The following ATF6 variants were observed in gnomAD, a reference collection of about 807,000 sequenced individuals.
The protein encoded by ATF6 is activating transcription factor 6.
ATF6 carries 53 observed loss-of-function variants against 83.6 expected under a neutral mutation model. That is an observed-to-expected ratio of 0.63 (90% CI 0.51 to 0.80). The LOEUF (loss-of-function observed/expected upper bound fraction) is 0.80. Ranked by LOEUF, ATF6 falls within the 30% of genes least tolerant of loss-of-function variation. ATF6 has a pLI of 0.00. For missense variants in ATF6, 744 were observed against 797.9 expected (o/e 0.93, Z 0.81); for synonymous variants, 288 against 285.8 (o/e 1.01, Z -0.08).
chr1:161,869,004 A>G (rs2101845850), intron 14 of ATF6, among the ~76,000 whole-genome samples: 1 of 152,088 alleles, frequency 6.6e-6, no homozygotes, highest in Admixed American at 6.6e-5. Flanking sequence ...GGGTTCTACT[A>G]TTTGTACAGA....
At chr1:161,801,495 A>G (rs6701754) in intron 6 of ATF6, among the ~76,000 whole-genome samples, 4,125 of 150,258 alleles carry the variant, frequency 0.027, 90 homozygotes, top group East Asian at 0.12. Context: ...GGCTATCACT[A>G]TGTTGCCTTG....
intron 15 of ATF6, among the ~76,000 whole-genome samples, chr1:161,953,873 C>T (rs1033569654): frequency 5.9e-5 from 9 of 152,148 alleles, no homozygotes; most frequent in African/African-American, 2.2e-4. Flanking sequence ...GGGAGCCAAA[C>T]TTCATTTCTA....
At chr1:161,915,755 G>C (rs6695760) in intron 15 of ATF6, among the ~76,000 whole-genome samples, 73,224 of 151,744 alleles carry the variant, frequency 0.48, 22,081 homozygotes, top group Middle Eastern at 0.66. Context: ...CTCCCGAGCA[G>C]CTCCTGAACA....
At chr1:161,920,551 C>T (rs1484964031) in intron 15 of ATF6, among the ~76,000 whole-genome samples, 2 of 152,038 alleles carry the variant, frequency 1.3e-5, no homozygotes, top group Non-Finnish European at 2.9e-5. Flanking sequence ...GCCTCGGCCT[C>T]CCAAAGTGCT....
chr1:161,860,800 G>C (rs1686867060), intron 13 of ATF6, among the ~76,000 whole-genome samples: 5 of 152,018 alleles, frequency 3.3e-5, no homozygotes, highest in Admixed American at 3.3e-4. Flanking sequence ...GATCATAGCT[G>C]TTTTACTTAC....
intron 15 of ATF6, among the ~76,000 whole-genome samples, chr1:161,940,734 G>GTT (rs551535128): frequency 6.7e-6 from 1 of 149,960 alleles, no homozygotes; most frequent in Admixed American, 6.6e-5. Context: ...AATTTTTTTT[G>GTT]TTTTTTTTTA....
At chr1:161,868,703 C>G (rs1687063031) in intron 14 of ATF6, among the ~76,000 whole-genome samples, 1 of 151,536 alleles carries the variant, frequency 6.6e-6, no homozygotes, top group East Asian at 1.9e-4. Flanking sequence ...ATCTATTTTA[C>G]TGATCTAAGA....
At chr1:161,780,073 A>G (rs1571122018) in intron 2 of ATF6, among the ~76,000 whole-genome samples, 1 of 152,218 alleles carries the variant, frequency 6.6e-6, no homozygotes, top group African/African-American at 2.4e-5. Flanking sequence ...AGATCCAAAT[A>G]AGAGAAAAAA....
chr1:161,881,375 G>A (rs1687323896), intron 14 of ATF6, among the ~76,000 whole-genome samples: 1 of 152,068 alleles, frequency 6.6e-6, no homozygotes. Flanking sequence ...CCGAACTAAG[G>A]GTCTCAGTTA....
intron 6 of ATF6, among the ~76,000 whole-genome samples, chr1:161,801,359 CTTTTTTTTTT>C (rs1170991022): frequency 8.4e-5 from 8 of 95,288 alleles, no homozygotes; most frequent in Admixed American, 4.5e-4. Flanking sequence ...TATTTGTAGT[CTTTTTTTTTT>C]TTTTTTTTTT....
intron 15 of ATF6, among the ~76,000 whole-genome samples, chr1:161,918,685 A>C (rs1271509600): frequency 6.6e-6 from 1 of 152,208 alleles, no homozygotes; most frequent in African/African-American, 2.4e-5. Context: ...AAGTTGAATA[A>C]AATACATTTT....
intron 9 of ATF6, 83 bp downstream of exon 9, chr1:161,821,244 G>A: frequency 1.1e-6 from 1 of 937,544 alleles, no homozygotes; most frequent in Non-Finnish European, 1.6e-6. Context: ...ATAAACTAGA[G>A]AAAAAATGAT....
chr1:161,953,540 C>T (rs1052244834), intron 15 of ATF6, among the ~76,000 whole-genome samples: 3 of 152,190 alleles, frequency 2.0e-5, no homozygotes, highest in African/African-American at 7.2e-5. Context: ...TGCTATGTCA[C>T]AGCTGAATGT....
chr1:161,847,415 G>T (rs1323512988), intron 10 of ATF6, among the ~76,000 whole-genome samples: 2 of 152,206 alleles, frequency 1.3e-5, no homozygotes, highest in South Asian at 2.1e-4. Flanking sequence ...CCACAATCCT[G>T]CAGGCTTGTC....
chr1:161,837,622 A>ATT (rs569010142), intron 9 of ATF6, among the ~76,000 whole-genome samples: 2,410 of 144,482 alleles, frequency 0.017, 20 homozygotes, highest in Middle Eastern at 0.042. Flanking sequence ...CCTTTCTCCC[A>ATT]TTTTTTTTTT....
At chr1:161,834,810 TGAA>T (rs1450186357) in intron 9 of ATF6, among the ~76,000 whole-genome samples, 4 of 152,022 alleles carry the variant, frequency 2.6e-5, no homozygotes, top group African/African-American at 9.7e-5. Context: ...TAGATATACT[TGAA>T]GAAAGAAATA....
intron 14 of ATF6, chr1:161,891,176 G>T (rs529737650): frequency 1.0e-3 from 156 of 152,666 alleles, no homozygotes; most frequent in Non-Finnish European, 2.0e-3. Flanking sequence ...ACCAAAATCT[G>T]CCAGTTCTGC....
At chr1:161,804,469 T>G (rs537855139) in intron 7 of ATF6, among the ~76,000 whole-genome samples, 51 of 152,202 alleles carry the variant, frequency 3.4e-4, no homozygotes, top group African/African-American at 1.2e-3. Context: ...TTGGAATGAT[T>G]CAGTAAACTG....
intron 12 of ATF6, among the ~76,000 whole-genome samples, chr1:161,859,986 A>G (rs1317049350): frequency 6.6e-6 from 1 of 152,100 alleles, no homozygotes; most frequent in Non-Finnish European, 1.5e-5. Context: ...AACTTAATGG[A>G]AAGTGCCTTA....
Sources: gnomAD v4.1 joint callset for allele counts (sites outside exome capture counted in the v4.1 genomes callset) on GRCh38, gnomAD v4.1.1 for gene constraint, MANE v1.5 for transcripts, NCBI Gene and HGNC (gene_info 2026-07-23, HGNC 2026-07-21) for gene names.